LZTS1: variants seen among roughly 807,000 people sequenced by gnomAD.
LZTS1 encodes the protein leucine zipper putative tumor suppressor 1.
LZTS1 carries 31 observed loss-of-function variants against 45.8 expected under a neutral mutation model. The observed-to-expected ratio is 0.68, with a 90% CI of 0.51 to 0.91. LZTS1 has a LOEUF of 0.91. Among genes scored for constraint, LZTS1 ranks in the 40% least tolerant of loss-of-function variants. The pLI is 0.00. For synonymous variants in LZTS1, 359 were observed against 357.3 expected, an observed-to-expected ratio of 1.00 and a Z score of -0.05; for missense variants, 821 against 788.9, an observed-to-expected ratio of 1.04 and a Z score of -0.49.
rs1173608062 is a variant in LZTS1, at chr8:20,254,826, C to A, written c.345+11G>T. On this transcript the variant is annotated intron_variant, in intron 2 of 3. Coordinates refer to ENST00000381569, the MANE Select transcript of LZTS1 (RefSeq NM_021020.5). ...CCAACCCACTTACCCTTGCCAGCGA[C>A]CCCCGCTTACCATTTCTAGCTGATT... The A allele has an allele frequency of 3.1e-6, 5 of 1,592,050 alleles. No homozygotes were observed. The South Asian group carries it at 3.4e-5, about 11-fold the overall frequency.
At chr8:20,255,803 G>A (rs1204957777) in intron 1 of LZTS1, among the ~76,000 whole-genome samples, 1 of 152,118 alleles carries the variant, frequency 6.6e-6, no homozygotes, top group African/African-American at 2.4e-5. Flanking sequence ...AGCCAGGCAT[G>A]ATGGTTCACA....
At position 20,303,935 on chromosome 8, in the gene LZTS1, C is replaced by T. The variant is rs539147898; in HGVS notation, c.-330G>A. ...GCCTCCCCGCCCGGCCGCTGCCAAC[C>T]CGCCAGCTCCAGGCGCGCCGGCCTC... On this transcript the variant is annotated 5_prime_UTR_variant, in exon 1 of 4. Transcript: ENST00000381569. 2.0e-6 allele frequency: 2 copies of T among 981,804 alleles called. No homozygotes were observed. Among genetic ancestry groups the T allele is most frequent in the South Asian group, 4.7e-5 (1 of 21,258 alleles). The allele number at this position is 981,804 out of a possible 1,614,324, so 60.8% of individuals were successfully genotyped here. A position where few individuals can be genotyped will look rare whatever the true frequency, so the allele number is the denominator to read the frequency against.
At chr8:20,257,505 A>G (rs1563863477) in intron 1 of LZTS1, among the ~76,000 whole-genome samples, 1 of 152,192 alleles carries the variant, frequency 6.6e-6, no homozygotes. Context: ...AGAAGATTCA[A>G]GAGAGAAAGA....
chr8:20,286,295 G>T (rs910732642), intron 1 of LZTS1, among the ~76,000 whole-genome samples: 1 of 152,098 alleles, frequency 6.6e-6, no homozygotes, highest in Non-Finnish European at 1.5e-5. Flanking sequence ...ATCTCTAATA[G>T]AAAAACAGAA....
At chr8:20,274,475 C>T (rs1800534950) in intron 1 of LZTS1, among the ~76,000 whole-genome samples, 1 of 152,148 alleles carries the variant, frequency 6.6e-6, no homozygotes, top group African/African-American at 2.4e-5. Context: ...GTGATGGAGG[C>T]TTCTCCATGT....
chr8:20,300,098 C>A (rs1157228070), intron 1 of LZTS1, among the ~76,000 whole-genome samples: 2 of 152,168 alleles, frequency 1.3e-5, no homozygotes, highest in Non-Finnish European at 2.9e-5. Context: ...GACTCCCGAA[C>A]TGTTGGTGGG....
At chr8:20,266,541 G>A (rs1277218275) in intron 1 of LZTS1, among the ~76,000 whole-genome samples, 1 of 151,904 alleles carries the variant, frequency 6.6e-6, no homozygotes, top group African/African-American at 2.4e-5. Flanking sequence ...TGGTCACCTG[G>A]GGGAAGTGCA....
In LZTS1 at chr8:20,249,414, A is replaced by C; in HGVS notation, c.*308T>G. The C allele has an allele frequency of 6.6e-6, 2 of 305,080 alleles. No individual in the cohort carries two copies. Among genetic ancestry groups the C allele is most frequent in the Non-Finnish European group, 6.1e-6 (1 of 164,250 alleles). 18.9% of individuals were successfully genotyped at this position (305,080 alleles called of 1,614,324 possible). A position where few individuals can be genotyped will look rare whatever the true frequency, so the allele number is the denominator to read the frequency against. On this transcript the variant is annotated 3_prime_UTR_variant, in exon 4 of 4. Transcript: ENST00000381569. Reference sequence around the variant, plus strand: ...GCCACCTTCCCTGGAGGAGGGGGAGAGGATATCTATTTCGAACAAAGGCCA... The same window carrying C: ...GCCACCTTCCCTGGAGGAGGGGGAGCGGATATCTATTTCGAACAAAGGCCA...
Position 20,255,104 on chromosome 8 carries a change from G to T in LZTS1, c.78C>A (p.Arg26=). 1.9e-6 allele frequency: 3 copies of T among 1,614,220 alleles called. No individual in the cohort carries two copies. The highest frequency in any genetic ancestry group is 2.5e-6 in the Non-Finnish European group (3 of 1,180,034). The change falls in exon 2 of 4, where the codon CGC becomes CGA. Residue 26 remains arginine, a synonymous_variant. Transcript: ENST00000381569. ...TGAGCTTCTTGAGGTGGGAGGACTTGCGCAGCTTGTACTGCGAAGCCCGGC... is the reference window on the plus strand; with the variant it reads ...TGAGCTTCTTGAGGTGGGAGGACTTTCGCAGCTTGTACTGCGAAGCCCGGC... The part of the protein sequence containing the change: ...KHCRASQYKL[R]KSSHLKKLNR...
chr8:20,252,712 C>G, intron 3 of LZTS1, 70 bp downstream of exon 3: 2 of 1,403,236 alleles, frequency 1.4e-6, no homozygotes, highest in African/African-American at 2.9e-5. Flanking sequence ...TTGGCCGGCA[C>G]CAGAAGGAGA....
At chr8:20,269,725 G>A (rs990449961) in intron 1 of LZTS1, among the ~76,000 whole-genome samples, 1 of 152,170 alleles carries the variant, frequency 6.6e-6, no homozygotes, top group African/African-American at 2.4e-5. Context: ...TGGCAAATCC[G>A]ACAACCCTAA....
intron 1 of LZTS1, among the ~76,000 whole-genome samples, chr8:20,299,727 G>A (rs971632451): frequency 9.2e-5 from 14 of 151,856 alleles, no homozygotes; most frequent in South Asian, 2.1e-4. Flanking sequence ...ACTTGACTGC[G>A]TCGCCTCGGA....
rs1799989164 is a variant in LZTS1, at chr8:20,253,178, A to C, written c.753T>G (p.Cys251Trp). 1 of 1,613,380 alleles carries C rather than the reference A, an allele frequency of 6.2e-7. No individual in the cohort carries two copies. The highest frequency in any genetic ancestry group is 8.5e-7 in the Non-Finnish European group (1 of 1,180,034). ...HSNKADKGPS[C>W]VRSPISTDEC... ...CGTCCGTGGAGATGGGGGAGCGGAC[A>C]CACGAGGGGCCCTTGTCTGCCTTGT... Residue 251 changes from cysteine to tryptophan, a missense_variant, in exon 3 of 4, where the codon TGT becomes TGG. Cys to Trp is a radical substitution (Grantham distance 215, BLOSUM62 -2). Coordinates refer to ENST00000381569, the MANE Select transcript of LZTS1 (RefSeq NM_021020.5).
intron 1 of LZTS1, among the ~76,000 whole-genome samples, chr8:20,287,448 C>A (rs2128898257): frequency 6.6e-6 from 1 of 152,342 alleles, no homozygotes; most frequent in African/African-American, 2.4e-5. Context: ...CCACCTCGTT[C>A]TTTCGCTCCC....
chr8:20,291,324 T>G (rs1800898050), intron 1 of LZTS1, among the ~76,000 whole-genome samples: 1 of 152,122 alleles, frequency 6.6e-6, no homozygotes, highest in South Asian at 2.1e-4. Context: ...CCTGACCCCC[T>G]GGACACCTGC....
rs1800446056 is a variant in LZTS1, at chr8:20,270,278, C to T, written c.-134-14963G>A. Among the ~76,000 whole-genome samples the T allele has an allele frequency of 4.6e-5, 7 of 152,248 alleles. No homozygotes were observed. In the South Asian group the frequency reaches 1.4e-3, roughly 31 times the overall value. On this transcript the variant is annotated intron_variant, in intron 1 of 3. Transcript: ENST00000381569. Reference sequence around the variant, plus strand: ...GCTTTCCTCTTACATCGTTCTTCCACAACAGAGCAGGAAGGAGGCATAGGT... The same window carrying T: ...GCTTTCCTCTTACATCGTTCTTCCATAACAGAGCAGGAAGGAGGCATAGGT...
intron 2 of LZTS1, 31 bp from the exon 3 acceptor site, chr8:20,253,616 G>C (rs752861357): frequency 1.2e-4 from 172 of 1,420,784 alleles, no homozygotes; most frequent in Non-Finnish European, 2.0e-5. Context: ...GGTGACTCAT[G>C]CCTCCCCTGC....
chr8:20,284,741 C>G (rs1329218171), intron 1 of LZTS1, among the ~76,000 whole-genome samples: 1 of 152,088 alleles, frequency 6.6e-6, no homozygotes, highest in Non-Finnish European at 1.5e-5. Flanking sequence ...GTAATGACAA[C>G]CCCCAAGGCA....
chr8:20,257,273 T>C (rs1478116395), intron 1 of LZTS1, among the ~76,000 whole-genome samples: 1 of 151,986 alleles, frequency 6.6e-6, no homozygotes, highest in East Asian at 1.9e-4. Context: ...GGCATGAGAA[T>C]AGCTTGAACC....
Sources: gnomAD v4.1 joint callset for allele counts (sites outside exome capture counted in the v4.1 genomes callset) on GRCh38, gnomAD v4.1.1 for gene constraint, MANE v1.5 for transcripts, NCBI Gene and HGNC (gene_info 2026-07-23, HGNC 2026-07-21) for gene names.